The following NID2 variants were observed in gnomAD, a reference collection of about 807,000 sequenced individuals.
The protein encoded by NID2 is nidogen-2.
NID2 carries 83 observed loss-of-function variants against 145.4 expected under a neutral mutation model. That is an observed-to-expected ratio of 0.57 (90% confidence interval 0.48 to 0.69). The LOEUF (loss-of-function observed/expected upper bound fraction) is 0.69. Among genes scored for constraint, NID2 ranks in the 30% least tolerant of loss-of-function variants. The probability of loss-of-function intolerance (pLI) is 0.00; values close to 1 mark genes in which losing one functional copy is unlikely to be tolerated. For missense variants in NID2, 1,807 were observed against 1,765.7 expected, an observed-to-expected ratio of 1.02 and a Z score of -0.42; for synonymous variants, 739 against 701.3, an observed-to-expected ratio of 1.05 and a Z score of -0.85.
At chr14:52,005,908 GTCA>G in intron 20 of NID2, 59 bp from the exon 21 acceptor site, 1 of 1,292,860 alleles carries the variant, frequency 7.7e-7, no homozygotes, top group Non-Finnish European at 1.1e-6. Flanking sequence ...AAAGAAGTCA[GTCA>G]GCCACAGAAA....
intron 3 of NID2, among the ~76,000 whole-genome samples, chr14:52,055,432 C>A (rs755498197): frequency 2.0e-5 from 3 of 152,090 alleles, no homozygotes; most frequent in Non-Finnish European, 2.9e-5. Flanking sequence ...ATACAAATGC[C>A]AAAACCTAAA....
rs762846923 is a variant in NID2, at chr14:52,054,310, A to C, written c.779T>G (p.Leu260Arg). The C allele has an allele frequency of 2.2e-5, 35 of 1,611,746 alleles. 1 individual carries two copies. Among genetic ancestry groups the C allele is most frequent in the Non-Finnish European group, 3.0e-5 (35 of 1,178,362 alleles). ...SVKNLYQLSNLGIPGVWAFHI... is the reference protein window; with the variant it reads ...SVKNLYQLSNRGIPGVWAFHI... The stretch of plus-strand genomic sequence containing the variant: ...GAAAGCCCACACTCCAGGGATCCCC[A>C]GGTTGCTTAGTCTAAATAAAAAGGA... Residue 260 changes from leucine to arginine, a missense_variant, in exon 4 of 22, where the codon CTG becomes CGG. Leu to Arg is a moderately radical substitution (Grantham distance 102, BLOSUM62 -2). Coordinates refer to ENST00000216286, the MANE Select transcript of NID2 (RefSeq NM_007361.4).
chr14:52,029,716 G>A (rs1277534033), intron 9 of NID2, 26 bp from the exon 10 acceptor site: 7 of 1,603,118 alleles, frequency 4.4e-6, no homozygotes, highest in Non-Finnish European at 6.0e-6. Context: ...GGAAATAAAA[G>A]CACAATCTGG....
intron 12 of NID2, among the ~76,000 whole-genome samples, chr14:52,026,509 A>G (rs1891592074): frequency 1.3e-5 from 2 of 152,244 alleles, no homozygotes; most frequent in African/African-American, 4.8e-5. Flanking sequence ...ACCACAGGGT[A>G]TGTTTGGAAA....
Position 52,067,958 on chromosome 14 carries a change from G to C in NID2, c.434C>G (p.Pro145Arg), listed in dbSNP as rs1019114877. The C allele has an allele frequency of 4.3e-6, 7 of 1,611,452 alleles. No individual in the cohort carries two copies. The Admixed American group carries it at 6.7e-5, about 16-fold the overall frequency. The change falls in exon 2 of 22, where the codon CCG becomes CGG. Residue 145 changes from proline (P) to arginine (R), a missense_variant. Pro to Arg is a moderately radical substitution (Grantham distance 103, BLOSUM62 -2). Coordinates refer to ENST00000216286, the MANE Select transcript of NID2 (RefSeq NM_007361.4). Reference sequence around the variant, plus strand: ...GGTGGGGGTAAAGCGCGCAGAGCGCGGGAAGCCAGCGCGCACATAGCGGGC... The same window carrying C: ...GGTGGGGGTAAAGCGCGCAGAGCGCCGGAAGCCAGCGCGCACATAGCGGGC... ...LAARYVRAGF[P>R]RSARFTPTHA... is the part of the protein sequence containing the mutation.
At chr14:52,044,157 C>T (rs1158107703) in intron 5 of NID2, among the ~76,000 whole-genome samples, 2 of 151,414 alleles carry the variant, frequency 1.3e-5, no homozygotes, top group African/African-American at 4.9e-5. Flanking sequence ...TGAGACATAG[C>T]ATTATAGGTA....
intron 12 of NID2, among the ~76,000 whole-genome samples, chr14:52,022,434 C>A (rs140061923): frequency 1.3e-5 from 2 of 152,100 alleles, no homozygotes; most frequent in African/African-American, 4.8e-5. Flanking sequence ...ACTAGAGTCC[C>A]GGGACCTGGG....
At chr14:52,047,224 T>C (rs1456085367) in intron 5 of NID2, among the ~76,000 whole-genome samples, 1 of 152,056 alleles carries the variant, frequency 6.6e-6, no homozygotes, top group Non-Finnish European at 1.5e-5. Flanking sequence ...GTAAGAGCTG[T>C]GCAAAGAAAT....
At position 52,011,700 on chromosome 14, in the gene NID2, A is replaced by T; in HGVS notation, c.3421-17T>A. 6.2e-7 allele frequency: 1 copy of T among 1,613,876 alleles called. No homozygotes were observed. Among genetic ancestry groups the T allele is most frequent in the Middle Eastern group, 1.7e-4 (1 of 5,986 alleles). ...TATGGAGCCCTTTGTGCATCAAATC[A>T]TAGAATTAGAAGAATTAGGTTACAT... On this transcript the variant is annotated splice_polypyrimidine_tract_variant and intron_variant, in intron 16 of 21. Coordinates refer to ENST00000216286, the MANE Select transcript of NID2 (RefSeq NM_007361.4).
At chr14:52,014,141 G>C (rs776396621) in intron 16 of NID2, 146 bp downstream of exon 16, 4 of 940,202 alleles carry the variant, frequency 4.3e-6, no homozygotes, top group Non-Finnish European at 6.7e-6. Flanking sequence ...TATGGTGGTG[G>C]CATCGGGCCC....
intron 3 of NID2, among the ~76,000 whole-genome samples, chr14:52,055,425 C>T (rs559863528): frequency 5.1e-4 from 77 of 152,284 alleles, no homozygotes; most frequent in Non-Finnish European, 8.8e-4. Context: ...CAAATAAATA[C>T]AAATGCCAAA....
In NID2 at chr14:52,067,331, A is replaced by C. The variant is rs147068049; in HGVS notation, c.534+527T>G. Reference sequence around the variant, plus strand: ...TTTACAATACACTATTCTGTGAAAAAAGCAAGTTATAAAACAGTATGTGCA... The same window carrying C: ...TTTACAATACACTATTCTGTGAAAACAGCAAGTTATAAAACAGTATGTGCA... On this transcript the variant is annotated intron_variant, in intron 2 of 21. Transcript: ENST00000216286. 3.6e-4 allele frequency among the ~76,000 whole-genome samples: 55 copies of C among 152,324 alleles called. No individual in the cohort carries two copies. In the East Asian group the frequency reaches 8.7e-3, roughly 24 times the overall value.
intron 5 of NID2, among the ~76,000 whole-genome samples, chr14:52,051,016 C>CAAGA (rs1429176721): frequency 3.9e-5 from 6 of 152,186 alleles, no homozygotes; most frequent in Non-Finnish European, 2.9e-5. Flanking sequence ...ACCAGAGCTC[C>CAAGA]CTGGAAACAA....
At chr14:52,032,852 G>A (rs1247345856) in intron 9 of NID2, among the ~76,000 whole-genome samples, 1 of 150,760 alleles carries the variant, frequency 6.6e-6, no homozygotes, top group African/African-American at 2.4e-5. Flanking sequence ...ACTTGGACAG[G>A]ATATATTATC....
chr14:52,014,786 C>G (rs1295813928), intron 15 of NID2, among the ~76,000 whole-genome samples: 2 of 152,004 alleles, frequency 1.3e-5, no homozygotes, highest in Non-Finnish European at 2.9e-5. Flanking sequence ...CACGTGTCCC[C>G]TGTCACCCTG....
rs1468806809 is a variant in NID2, at chr14:52,067,956, G to T, written c.436C>A (p.Arg146Ser). Residue 146 changes from arginine to serine, a missense_variant, in exon 2 of 22, where the codon CGC becomes AGC. Coordinates refer to ENST00000216286, the MANE Select transcript of NID2 (RefSeq NM_007361.4). ...AARYVRAGFP[R>S]SARFTPTHAF... ...TGGGTGGGGGTAAAGCGCGCAGAGC[G>T]CGGGAAGCCAGCGCGCACATAGCGG... 1.9e-6 allele frequency: 3 copies of T among 1,611,272 alleles called. No homozygotes were observed. The highest frequency in any genetic ancestry group is 2.2e-5 in the East Asian group (1 of 44,862).
At position 52,015,113 on chromosome 14, in the gene NID2, A is replaced by G. The variant is rs1164984844; in HGVS notation, c.3191T>C (p.Val1064Ala). ...CTGCACCTCTCTGCCATCTTTGTCCACACACCAGCAGAAGTCGCTCTTTCC... is the reference window on the plus strand; with the variant it reads ...CTGCACCTCTCTGCCATCTTTGTCCGCACACCAGCAGAAGTCGCTCTTTCC... ...CHGKSDFCWC[V>A]DKDGREVQGT... The change falls in exon 15 of 22, where the codon GTG becomes GCG. Residue 1064 changes from valine to alanine, a missense_variant. Coordinates refer to ENST00000216286, the MANE Select transcript of NID2 (RefSeq NM_007361.4). The G allele has an allele frequency of 6.2e-7, 1 of 1,614,082 alleles. No individual in the cohort carries two copies.
chr14:52,042,782 C>G lies in NID2; in HGVS notation c.1579G>C (p.Gly527Arg). 6.2e-7 allele frequency: 1 copy of G among 1,613,974 alleles called. No individual in the cohort carries two copies. Among genetic ancestry groups the G allele is most frequent in the Non-Finnish European group, 8.5e-7 (1 of 1,179,898 alleles). Residue 527 changes from glycine to arginine, a missense_variant and splice_region_variant, in exon 6 of 22, where the codon GGG becomes CGG. Gly to Arg is a moderately radical substitution (Grantham distance 125, BLOSUM62 -2). Transcript: ENST00000216286. ...GGAGTTCCTGGCCCCAGTCAATTACCTTCAGGCAGACAGTGCTTCCCATTT... is the reference window on the plus strand; with the variant it reads ...GGAGTTCCTGGCCCCAGTCAATTACGTTCAGGCAGACAGTGCTTCCCATTT... The part of the protein sequence containing the change: ...YGNGKHCLPE[G>R]APHRVNGKVS...
intron 8 of NID2, among the ~76,000 whole-genome samples, chr14:52,039,571 G>A (rs1026228879): frequency 6.6e-6 from 1 of 152,158 alleles, no homozygotes; most frequent in African/African-American, 2.4e-5. Context: ...TTTGTTCACA[G>A]CCCAGGTCTC....
Sources: allele counts gnomAD v4.1 joint callset (sites outside exome capture counted in the v4.1 genomes callset), GRCh38; gene constraint gnomAD v4.1.1; transcripts MANE v1.5; gene names NCBI Gene and HGNC (gene_info 2026-07-23, HGNC 2026-07-21).